The following ARID5B variants were observed in gnomAD, a reference collection of about 807,000 sequenced individuals.
The protein encoded by ARID5B is AT-rich interaction domain 5B.
Under a neutral mutation model 97.2 loss-of-function variants are expected in ARID5B, and 13 were observed. The ratio of observed to expected loss-of-function variants is 0.13; its 90% CI spans 0.09 to 0.21. ARID5B has a LOEUF of 0.21. Among genes scored for constraint, ARID5B ranks in the 10% least tolerant of loss-of-function variants. The pLI is 1.00. For missense variants in ARID5B, 1,210 were observed against 1,465.3 expected, an observed-to-expected ratio of 0.83 and a Z score of 2.84; for synonymous variants, 556 against 570.3, an observed-to-expected ratio of 0.97 and a Z score of 0.36.
At chr10:61,976,784 A>C (rs1267351214) in intron 3 of ARID5B, among the ~76,000 whole-genome samples, 1 of 152,130 alleles carries the variant, frequency 6.6e-6, no homozygotes, top group African/African-American at 2.4e-5. Context: ...CAGGATCTTA[A>C]ATTACGTAGC....
In ARID5B at chr10:62,094,567, G is replaced by A. The variant is rs1235940433; in HGVS notation, c.*1537G>A. On this transcript the variant is annotated 3_prime_UTR_variant, in exon 10 of 10. Coordinates refer to ENST00000279873, the MANE Select transcript of ARID5B (RefSeq NM_032199.3). ...GTTTCTTTTATTGTGGGAAGTAAAT[G>A]GTCAAGCTGCTCAGGCAGTGAAAAG... is the stretch of plus-strand genomic sequence containing the variant. 4.3e-6 allele frequency: 1 copy of A among 231,560 alleles called. No individual in the cohort carries two copies. Among genetic ancestry groups the A allele is most frequent in the African/African-American group, 2.2e-5 (1 of 45,350 alleles). 14.3% of individuals were successfully genotyped at this position (231,560 alleles called of 1,614,324 possible). A position where few individuals can be genotyped will look rare whatever the true frequency, so the allele number is the denominator to read the frequency against.
intron 3 of ARID5B, among the ~76,000 whole-genome samples, chr10:61,977,355 T>A (rs1313140498): frequency 6.6e-6 from 1 of 152,250 alleles, no homozygotes; most frequent in Non-Finnish European, 1.5e-5. Context: ...TGATTTATAA[T>A]CCTTTGGGTA....
intron 3 of ARID5B, among the ~76,000 whole-genome samples, chr10:61,946,050 C>T (rs1844493505): frequency 1.4e-5 from 2 of 147,748 alleles, no homozygotes; most frequent in South Asian, 4.2e-4. Context: ...TACCATATAA[C>T]ATAAACATTT....
intron 8 of ARID5B, among the ~76,000 whole-genome samples, chr10:62,079,113 T>C (rs549319586): frequency 6.6e-6 from 1 of 152,344 alleles, no homozygotes; most frequent in South Asian, 2.1e-4. Context: ...CTCAGGTAAC[T>C]CCTTAGGAGC....
intron 9 of ARID5B, among the ~76,000 whole-genome samples, chr10:62,089,977 G>C (rs1589293658): frequency 6.6e-6 from 1 of 152,328 alleles, no homozygotes; most frequent in African/African-American, 2.4e-5. Context: ...TAGATGGAAA[G>C]TTAAAATGAC....
intron 3 of ARID5B, among the ~76,000 whole-genome samples, chr10:61,993,754 T>C (rs375196544): frequency 6.6e-6 from 1 of 152,218 alleles, no homozygotes; most frequent in Non-Finnish European, 1.5e-5. Flanking sequence ...GCAGTAAGAA[T>C]TGGAATAGCG....
At chr10:62,042,172 C>A (rs1054952602) in intron 4 of ARID5B, among the ~76,000 whole-genome samples, 1 of 152,098 alleles carries the variant, frequency 6.6e-6, no homozygotes, top group Non-Finnish European at 1.5e-5. Flanking sequence ...CCAAGAAAGA[C>A]TAAATCTGTA....
In ARID5B at chr10:61,953,648, T is replaced by C. The variant is rs1392581540; in HGVS notation, c.502+13240T>C. 6.6e-5 allele frequency among the ~76,000 whole-genome samples: 10 copies of C among 152,188 alleles called. No individual in the cohort carries two copies. The South Asian group carries it at 1.4e-3, about 22-fold the overall frequency. The stretch of plus-strand genomic sequence containing the variant: ...CTTTACAAAGTAAGATGGACCTGGA[T>C]TGAAGTCCTTGCTCCATAAACTGTA... On this transcript the variant is annotated intron_variant, in intron 3 of 9. Coordinates refer to ENST00000279873, the MANE Select transcript of ARID5B (RefSeq NM_032199.3).
chr10:62,084,838 G>A (rs916840902), intron 8 of ARID5B, among the ~76,000 whole-genome samples: 1 of 152,088 alleles, frequency 6.6e-6, no homozygotes, highest in African/African-American at 2.4e-5. Flanking sequence ...TCAGGCCTCT[G>A]GTTTTTGTGG....
chr10:61,968,990 A>G (rs1206262586), intron 3 of ARID5B, among the ~76,000 whole-genome samples: 1 of 152,220 alleles, frequency 6.6e-6, no homozygotes, highest in African/African-American at 2.4e-5. Flanking sequence ...CTGTAAAACA[A>G]GAGGCCTTCC....
intron 2 of ARID5B, among the ~76,000 whole-genome samples, chr10:61,932,797 G>A (rs115825456): frequency 0.02 from 2,987 of 152,156 alleles, 95 homozygotes; most frequent in African/African-American, 0.068. Context: ...CTAACTTGAC[G>A]TAATATTCTG....
intron 2 of ARID5B, among the ~76,000 whole-genome samples, chr10:61,924,058 TC>T (rs1564602901): frequency 6.6e-6 from 1 of 152,244 alleles, no homozygotes; most frequent in Non-Finnish European, 1.5e-5. Flanking sequence ...ATGCATCTAT[TC>T]ATTCATTTAT....
At chr10:61,975,888 A>G (rs1838692268) in intron 3 of ARID5B, among the ~76,000 whole-genome samples, 2 of 152,236 alleles carry the variant, frequency 1.3e-5, no homozygotes, top group African/African-American at 4.8e-5. Context: ...CAATTTTCCA[A>G]TTATAGCTAT....
intron 4 of ARID5B, among the ~76,000 whole-genome samples, chr10:62,020,105 A>T (rs543166671): frequency 2.0e-5 from 3 of 152,148 alleles, no homozygotes. Context: ...ACAAAAAAGG[A>T]TGGGAACATG....
chr10:61,939,728 T>C (rs1213902168), intron 2 of ARID5B, among the ~76,000 whole-genome samples: 1 of 152,194 alleles, frequency 6.6e-6, no homozygotes, highest in African/African-American at 2.4e-5. Context: ...ACCATAAACA[T>C]AGGAATTTGG....
At chr10:61,917,775 G>A (rs565090956) in intron 2 of ARID5B, among the ~76,000 whole-genome samples, 5 of 152,316 alleles carry the variant, frequency 3.3e-5, no homozygotes, top group African/African-American at 7.2e-5. Flanking sequence ...GGAGAGCCAC[G>A]TGGATAAAGC....
intron 8 of ARID5B, among the ~76,000 whole-genome samples, chr10:62,074,251 C>A (rs1449554453): frequency 6.6e-6 from 1 of 152,216 alleles, no homozygotes; most frequent in Non-Finnish European, 1.5e-5. Flanking sequence ...AAATCAAAAT[C>A]ATAAACAAAT....
At chr10:62,083,284 G>GAA (rs35649259) in intron 8 of ARID5B, among the ~76,000 whole-genome samples, 17 of 100,294 alleles carry the variant, frequency 1.7e-4, no homozygotes, top group East Asian at 7.8e-4. Context: ...GTGAAGGGGA[G>GAA]AAAAAAAAAA....
intron 7 of ARID5B, among the ~76,000 whole-genome samples, chr10:62,062,091 T>A (rs1839928093): frequency 6.6e-6 from 1 of 152,222 alleles, no homozygotes; most frequent in Admixed American, 6.5e-5. Context: ...ACAGAATACA[T>A]TTTTCTCTTG....
Sources: gnomAD v4.1 joint callset for allele counts (sites outside exome capture counted in the v4.1 genomes callset) on GRCh38, gnomAD v4.1.1 for gene constraint, MANE v1.5 for transcripts, NCBI Gene and HGNC (gene_info 2026-07-23, HGNC 2026-07-21) for gene names.